Variants in AGBL1 observed in about 807,000 individuals in gnomAD.
AGBL1 encodes cytosolic carboxypeptidase 4.
AGBL1 carries 130 observed loss-of-function variants against 118.9 expected under a neutral mutation model. That is an observed-to-expected ratio of 1.09 (90% CI 0.95 to 1.26). The LOEUF is 1.26. Ranked by LOEUF, AGBL1 falls within the 50% of genes most tolerant of loss-of-function variation. AGBL1 has a pLI of 0.00. For missense variants in AGBL1, 1,584 were observed against 1,298.1 expected, an observed-to-expected ratio of 1.22 and a Z score of -3.38; for synonymous variants, 555 against 478.9, an observed-to-expected ratio of 1.16 and a Z score of -2.08.
chr15:86,748,287 G>A (rs1162024511), intron 22 of AGBL1, among the ~76,000 whole-genome samples: 1 of 152,042 alleles, frequency 6.6e-6, no homozygotes, highest in African/African-American at 2.4e-5. Context: ...CTTTTGAGAA[G>A]TGTCTGTTCA....
intron 17 of AGBL1, among the ~76,000 whole-genome samples, chr15:86,367,943 C>A (rs2080915890): frequency 6.6e-6 from 1 of 152,076 alleles, no homozygotes; most frequent in Admixed American, 6.6e-5. Context: ...TACTCCTAGG[C>A]TATTTCTGCT....
intron 23 of AGBL1, chr15:86,935,189 G>A (rs2080653610): frequency 6.6e-6 from 1 of 152,016 alleles, no homozygotes; most frequent in Non-Finnish European, 1.5e-5. Flanking sequence ...ATGTTCTTGT[G>A]CCTGGTGAGT....
chr15:87,009,342 G>T (rs2081535393), intron 24 of AGBL1, among the ~76,000 whole-genome samples: 1 of 152,214 alleles, frequency 6.6e-6, no homozygotes, highest in Non-Finnish European at 1.5e-5. Context: ...TTCACATGGT[G>T]TTGAGCCTGT....
At chr15:86,936,609 T>C (rs1422197562) in intron 23 of AGBL1, among the ~76,000 whole-genome samples, 3 of 152,184 alleles carry the variant, frequency 2.0e-5, no homozygotes, top group Non-Finnish European at 4.4e-5. Context: ...ATGTAGAAGA[T>C]TGAAGCTGGA....
At chr15:86,293,058 C>T (rs1049172034) in intron 16 of AGBL1, among the ~76,000 whole-genome samples, 1 of 152,188 alleles carries the variant, frequency 6.6e-6, no homozygotes, top group Non-Finnish European at 1.5e-5. Context: ...CTTTTCTTTT[C>T]TTGGCACTTT....
At chr15:86,120,942 G>A (rs1279149141) in intron 1 of AGBL1, among the ~76,000 whole-genome samples, 1 of 151,498 alleles carries the variant, frequency 6.6e-6, no homozygotes, top group African/African-American at 2.4e-5. Context: ...TGTTGCCTAG[G>A]CTGGAGTGCA....
chr15:86,330,465 A>G (rs149064253), intron 17 of AGBL1, among the ~76,000 whole-genome samples: 15 of 152,224 alleles, frequency 9.9e-5, no homozygotes, highest in Non-Finnish European at 1.8e-4. Flanking sequence ...ACTATAAGGA[A>G]AGATAAAGAA....
At chr15:86,830,086 T>A (rs112758357) in intron 22 of AGBL1, among the ~76,000 whole-genome samples, 2,068 of 152,238 alleles carry the variant, frequency 0.014, 35 homozygotes, top group African/African-American at 0.04. Context: ...GAGTTAGATG[T>A]ATTTAGATTA....
At chr15:86,209,368 C>G (rs1464253151) in intron 5 of AGBL1, among the ~76,000 whole-genome samples, 1 of 151,988 alleles carries the variant, frequency 6.6e-6, no homozygotes, top group Non-Finnish European at 1.5e-5. Context: ...TCCTGGATAC[C>G]CTTGTTAACC....
chr15:86,428,009 C>T (rs1344335054), intron 18 of AGBL1, among the ~76,000 whole-genome samples: 1 of 152,180 alleles, frequency 6.6e-6, no homozygotes, highest in Admixed American at 6.5e-5. Flanking sequence ...ATCTCTGACC[C>T]TCCATTCTGT....
rs139380481 is a variant in AGBL1, at chr15:86,793,796, G to T, written c.3159-113291G>T. 3.4e-3 allele frequency among the ~76,000 whole-genome samples: 523 copies of T among 152,262 alleles called. 4 individuals carry two copies. The highest frequency in any genetic ancestry group is 0.012 in the African/African-American group (491 of 41,552). ...CCCAATTAAAAATTACGAAAGTCTTGAGTAGACTTTTTCCAAAGAAGATGC... is the reference window on the plus strand; with the variant it reads ...CCCAATTAAAAATTACGAAAGTCTTTAGTAGACTTTTTCCAAAGAAGATGC... On this transcript the variant is annotated intron_variant, in intron 22 of 22. Coordinates refer to ENST00000614907, the MANE Select transcript of AGBL1 (RefSeq NM_001386094.1).
chr15:86,676,827 G>A (rs1344608104), intron 22 of AGBL1, among the ~76,000 whole-genome samples: 2 of 152,146 alleles, frequency 1.3e-5, no homozygotes, highest in African/African-American at 4.8e-5. Flanking sequence ...GAATGGCTGG[G>A]TGCGGTGGCT....
At position 86,407,691 on chromosome 15, in the gene AGBL1, A is replaced by G. The variant is rs891442109; in HGVS notation, c.2555+10145A>G. Reference sequence around the variant, plus strand: ...TAATTCCCTTTTTCTCCTTTTAGTCATCATTTACTGTCTTGAAAGAATTAC... The same window carrying G: ...TAATTCCCTTTTTCTCCTTTTAGTCGTCATTTACTGTCTTGAAAGAATTAC... On this transcript the variant is annotated intron_variant, in intron 18 of 22. Transcript: ENST00000614907. 3.3e-5 allele frequency among the ~76,000 whole-genome samples: 5 copies of G among 152,128 alleles called. No homozygotes were observed. In the East Asian group the frequency reaches 5.8e-4, roughly 18 times the overall value.
intron 22 of AGBL1, among the ~76,000 whole-genome samples, chr15:86,776,750 A>ATATGTGTGTG (rs1466910509): frequency 3.6e-5 from 5 of 139,732 alleles, no homozygotes; most frequent in East Asian, 4.4e-4. Context: ...ATATATATAT[A>ATATGTGTGTG]TGTGTGTGTG....
intron 22 of AGBL1, among the ~76,000 whole-genome samples, chr15:86,750,371 G>T (rs914609788): frequency 5.3e-5 from 8 of 151,156 alleles, no homozygotes; most frequent in African/African-American, 1.9e-4. Flanking sequence ...CAGGGTAATT[G>T]ACATTTTATT....
intron 19 of AGBL1, among the ~76,000 whole-genome samples, chr15:86,541,640 C>G (rs770552027): frequency 6.7e-5 from 10 of 149,218 alleles, no homozygotes; most frequent in Non-Finnish European, 5.9e-5. Flanking sequence ...GAGAGACCCA[C>G]TGCTCTAAAG....
At chr15:86,320,363 T>A (rs189497254) in intron 17 of AGBL1, among the ~76,000 whole-genome samples, 1 of 152,166 alleles carries the variant, frequency 6.6e-6, no homozygotes. Flanking sequence ...ATTTATATAC[T>A]TGTGGCTATT....
chr15:86,587,371 A>G (rs1168691789), intron 21 of AGBL1, among the ~76,000 whole-genome samples: 1 of 152,166 alleles, frequency 6.6e-6, no homozygotes, highest in Non-Finnish European at 1.5e-5. Flanking sequence ...ATTGTGCAGC[A>G]AGGCAGATGG....
chr15:86,725,401 T>A (rs2086804214), intron 22 of AGBL1, among the ~76,000 whole-genome samples: 1 of 151,904 alleles, frequency 6.6e-6, no homozygotes. Flanking sequence ...GGGAAAGGGA[T>A]GGTTTAAAGG....
Sources: gnomAD v4.1 joint callset for allele counts (sites outside exome capture counted in the v4.1 genomes callset) on GRCh38, gnomAD v4.1.1 for gene constraint, MANE v1.5 for transcripts, NCBI Gene and HGNC (gene_info 2026-07-23, HGNC 2026-07-21) for gene names.